The following EVI5 variants were observed in gnomAD, a reference collection of about 807,000 sequenced individuals.
EVI5 encodes ecotropic viral integration site 5 protein homolog.
In EVI5, 73 loss-of-function variants were observed where a neutral mutation model predicts 112.0. The observed-to-expected ratio is 0.65, with a 90% CI of 0.54 to 0.79. The LOEUF (loss-of-function observed/expected upper bound fraction) is 0.79, where lower values mean the gene tolerates loss of function less well. Among genes scored for constraint, EVI5 ranks in the 30% least tolerant of loss-of-function variants. EVI5 has a pLI of 0.00. For synonymous variants in EVI5, 305 were observed against 319.9 expected (o/e 0.95, Z 0.50); for missense variants, 900 against 968.8 (o/e 0.93, Z 0.94).
intron 19 of EVI5, among the ~76,000 whole-genome samples, chr1:92,554,849 C>T (rs1003768267): frequency 1.3e-5 from 2 of 152,052 alleles, no homozygotes; most frequent in African/African-American, 2.4e-5. Flanking sequence ...GGTGCAGTCT[C>T]GCACACCTGT....
intron 16 of EVI5, among the ~76,000 whole-genome samples, chr1:92,615,471 G>A (rs989720418): frequency 2.0e-5 from 3 of 152,170 alleles, no homozygotes; most frequent in African/African-American, 7.2e-5. Context: ...GCATTGATTG[G>A]AAAAGAATGG....
intron 18 of EVI5, among the ~76,000 whole-genome samples, chr1:92,587,887 T>A (rs892850013): frequency 6.6e-6 from 1 of 152,216 alleles, no homozygotes; most frequent in Non-Finnish European, 1.5e-5. Flanking sequence ...CAAAAATCAA[T>A]ATGCTTATCT....
upstream of EVI5, among the ~76,000 whole-genome samples, chr1:92,786,298 G>T (rs1287386616): frequency 1.3e-5 from 2 of 150,410 alleles, no homozygotes; most frequent in Non-Finnish European, 2.9e-5. Flanking sequence ...CAAGAAATAG[G>T]AAGTAAAGCC....
intron 13 of EVI5, among the ~76,000 whole-genome samples, chr1:92,656,969 A>G (rs1009929913): frequency 2.0e-5 from 3 of 152,200 alleles, no homozygotes; most frequent in East Asian, 1.9e-4. Context: ...ATGAAGAACT[A>G]GTACCAATTC....
intron 19 of EVI5, among the ~76,000 whole-genome samples, chr1:92,538,527 A>G (rs1279384469): frequency 2.0e-5 from 3 of 152,202 alleles, no homozygotes; most frequent in Non-Finnish European, 2.9e-5. Context: ...CAGTCCATCA[A>G]TCAATTAACC....
At chr1:92,760,909 T>G (rs1300908893) in intron 1 of EVI5, among the ~76,000 whole-genome samples, 1 of 151,036 alleles carries the variant, frequency 6.6e-6, no homozygotes, top group Non-Finnish European at 1.5e-5. Context: ...ATACAAAAAA[T>G]TAAACGGGCG....
At chr1:92,708,377 A>G (rs941434807) in intron 2 of EVI5, among the ~76,000 whole-genome samples, 1 of 152,204 alleles carries the variant, frequency 6.6e-6, no homozygotes, top group South Asian at 2.1e-4. Context: ...AAGATGTTCA[A>G]CATCACTAGT....
At chr1:92,784,663 C>A (rs1272552551) in intron 1 of EVI5, among the ~76,000 whole-genome samples, 173 bp downstream of exon 1, 1 of 151,918 alleles carries the variant, frequency 6.6e-6, no homozygotes, top group African/African-American at 2.4e-5. Context: ...GGCGAGGAAG[C>A]GAGTGCAGGG....
chr1:92,716,554 G>A (rs994575432), intron 2 of EVI5, among the ~76,000 whole-genome samples: 11 of 152,322 alleles, frequency 7.2e-5, no homozygotes, highest in African/African-American at 2.2e-4. Flanking sequence ...AAACCAGAGC[G>A]CCTCTTTCCC....
intron 13 of EVI5, 85 bp from the exon 14 acceptor site, chr1:92,636,421 T>C: frequency 8.8e-7 from 1 of 1,130,338 alleles, no homozygotes; most frequent in Non-Finnish European, 1.3e-6. Flanking sequence ...ATAATACAGT[T>C]ATATTACATT....
intron 1 of EVI5, among the ~76,000 whole-genome samples, chr1:92,749,910 C>T (rs1679907353): frequency 6.6e-6 from 1 of 152,122 alleles, no homozygotes; most frequent in South Asian, 2.1e-4. Flanking sequence ...TCTTAAAATG[C>T]TCAATCAAGC....
chr1:92,653,989 C>A (rs1572130267), intron 13 of EVI5, among the ~76,000 whole-genome samples: 1 of 152,098 alleles, frequency 6.6e-6, no homozygotes, highest in East Asian at 1.9e-4. Context: ...CTGCAGAGAC[C>A]TCAGTGTACT....
intron 19 of EVI5, among the ~76,000 whole-genome samples, chr1:92,522,943 G>A (rs1415842189): frequency 6.6e-6 from 1 of 151,932 alleles, no homozygotes. Flanking sequence ...TATTTCTGTA[G>A]AGATGAGGTT....
chr1:92,670,352 C>A (rs1022425585), intron 10 of EVI5, among the ~76,000 whole-genome samples: 2 of 152,184 alleles, frequency 1.3e-5, no homozygotes, highest in African/African-American at 4.8e-5. Flanking sequence ...TAACCCAACC[C>A]CAACAATTGT....
intron 19 of EVI5, among the ~76,000 whole-genome samples, chr1:92,542,739 G>A (rs905377860): frequency 2.0e-5 from 3 of 152,116 alleles, no homozygotes; most frequent in Non-Finnish European, 4.4e-5. Flanking sequence ...TGATCCACGG[G>A]CTGCAGAATG....
intron 1 of EVI5, among the ~76,000 whole-genome samples, chr1:92,764,525 A>T (rs1271646133): frequency 6.6e-6 from 1 of 152,184 alleles, no homozygotes; most frequent in East Asian, 1.9e-4. Context: ...GACTCAATAA[A>T]ACCAGAGTTA....
rs768234633 is a variant in EVI5 at position 92,699,623 on chromosome 1, T to C, written c.640-1638A>G. Among the ~76,000 whole-genome samples, 17 of 152,260 alleles carry C rather than the reference T, an allele frequency of 1.1e-4. No individual in the cohort carries two copies. The East Asian group carries it at 2.1e-3, about 19-fold the overall frequency. ...AGTGCACCTACACAAACCTATACCA[T>C]ATAGCTTACTATACACCTAGGCTAT... On this transcript the variant is annotated intron_variant, in intron 5 of 19. Transcript: ENST00000684568.
In EVI5 at chr1:92,521,147, A is replaced by G. The variant is rs544793171; in HGVS notation, c.2167-7177T>C. Reference sequence around the variant, plus strand: ...TGGCTAATTTGTGTATTTTCTTTACAGACGGAGTTTCGCTATGTTGCCCAG... The same window carrying G: ...TGGCTAATTTGTGTATTTTCTTTACGGACGGAGTTTCGCTATGTTGCCCAG... On this transcript the variant is annotated intron_variant, in intron 19 of 19. Coordinates refer to ENST00000684568, the MANE Select transcript of EVI5 (RefSeq NM_001350197.2). Among the ~76,000 whole-genome samples the G allele has an allele frequency of 2.6e-5, 4 of 151,952 alleles. No individual in the cohort carries two copies. The East Asian group carries it at 6.0e-4, about 23-fold the overall frequency.
At chr1:92,606,912 A>ACG (rs1650528319) in intron 17 of EVI5, among the ~76,000 whole-genome samples, 5 of 101,032 alleles carry the variant, frequency 4.9e-5, no homozygotes, top group African/African-American at 1.7e-4. Context: ...ACACACACAC[A>ACG]CACACACACA....
Sources: allele counts gnomAD v4.1 joint callset (sites outside exome capture counted in the v4.1 genomes callset), GRCh38; gene constraint gnomAD v4.1.1; transcripts MANE v1.5; gene names NCBI Gene and HGNC (gene_info 2026-07-23, HGNC 2026-07-21).